Variants in FAM107A observed in about 807,000 individuals in gnomAD.
FAM107A encodes the protein family with sequence similarity 107 member A, also known as actin-associated protein FAM107A.
FAM107A carries 19 observed loss-of-function variants against 13.7 expected under a neutral mutation model. That is an observed-to-expected ratio of 1.38 (90% CI 0.97 to 2.03). The LOEUF is 2.03. Among genes scored for constraint, FAM107A ranks in the 30% most tolerant of loss-of-function variants. The pLI is 0.00. For missense variants in FAM107A, 203 were observed against 184.4 expected (o/e 1.10, Z -0.58); for synonymous variants, 82 against 74.5 (o/e 1.10, Z -0.52).
At chr3:58,587,697 G>A (rs1246263508), upstream of FAM107A, among the ~76,000 whole-genome samples, 2 of 152,122 alleles carry the variant, frequency 1.3e-5, no homozygotes, top group African/African-American at 4.8e-5. Context: ...TTTGTGGAGT[G>A]TCTGTAACAA....
At chr3:58,609,115 G>C (rs949850583) in intron 1 of FAM107A, 1 of 152,182 alleles carries the variant, frequency 6.6e-6, no homozygotes, top group African/African-American at 2.4e-5. Flanking sequence ...TGCAGGAGCT[G>C]GAAATGGCCC....
intron 1 of FAM107A, among the ~76,000 whole-genome samples, chr3:58,622,771 G>T (rs963151824): frequency 2.6e-5 from 4 of 152,098 alleles, no homozygotes; most frequent in Non-Finnish European, 4.4e-5. Context: ...TGGGCAGGAG[G>T]GGGGCTCTGC....
intron 1 of FAM107A, among the ~76,000 whole-genome samples, chr3:58,592,614 A>G (rs2065663045): frequency 6.6e-6 from 1 of 152,072 alleles, no homozygotes; most frequent in Admixed American, 6.5e-5. Context: ...CAAATCACCC[A>G]AGCAGTTTCT....
In FAM107A at chr3:58,566,239, G is replaced by A. The variant is rs1032373858; in HGVS notation, c.*349C>T. On this transcript the variant is annotated 3_prime_UTR_variant, in exon 4 of 4. Transcript: ENST00000360997. ...CCCTGGGGAGCCTCGGAGATTCCTG[G>A]TGGGAAGGCCTGGGCAGAACAGAAG... The A allele has an allele frequency of 1.2e-4, 25 of 205,878 alleles. No homozygotes were observed. Among genetic ancestry groups the A allele is most frequent in the African/African-American group, 5.5e-4 (24 of 43,364 alleles). The allele number at this position is 205,878 out of a possible 1,614,324, so 12.8% of individuals were successfully genotyped here.
chr3:58,566,607 C>A lies in FAM107A; in HGVS notation c.416G>T (p.Ser139Ile), dbSNP rs765455315. 6.2e-6 allele frequency: 10 copies of A among 1,613,680 alleles called. No homozygotes were observed. The highest frequency in any genetic ancestry group is 1.7e-5 in the Admixed American group (1 of 60,014). The change falls in exon 4 of 4, where the codon AGC (serine) becomes ATC (isoleucine). Residue 139 changes from serine (S) to isoleucine (I), a missense_variant. Coordinates refer to ENST00000360997, the MANE Select transcript of FAM107A (RefSeq NM_001076778.3). ...CTGGCCCTACAGCTCTCTCTCTTCG[C>A]TGGTCAGTGTGGCAATTCTCCGCAG... ...ENLRRIATLT[S>I]EEREL
At chr3:58,583,007 C>T (rs528401542) in intron 1 of FAM107A, among the ~76,000 whole-genome samples, 8 of 152,294 alleles carry the variant, frequency 5.3e-5, no homozygotes, top group African/African-American at 1.9e-4. Flanking sequence ...CTATGTTGGC[C>T]AGGCTGGTCT....
intron 1 of FAM107A, among the ~76,000 whole-genome samples, chr3:58,571,931 G>A (rs1174412810): frequency 6.6e-6 from 1 of 152,160 alleles, no homozygotes; most frequent in African/African-American, 2.4e-5. Context: ...CTCACTGTAT[G>A]TTGCCAAAGT....
At chr3:58,568,957 C>G (rs985355414) in intron 2 of FAM107A, among the ~76,000 whole-genome samples, 5 of 152,148 alleles carry the variant, frequency 3.3e-5, no homozygotes, top group African/African-American at 1.2e-4. Context: ...ACGGAAAAGC[C>G]AGCCACCATC....
intron 1 of FAM107A, among the ~76,000 whole-genome samples, chr3:58,602,626 A>G (rs2065762360): frequency 6.6e-6 from 1 of 152,222 alleles, no homozygotes; most frequent in Non-Finnish European, 1.5e-5. Context: ...GCTAAGAAGG[A>G]TGTTGTAGAC....
At chr3:58,594,301 CTCT>C in intron 1 of FAM107A, among the ~76,000 whole-genome samples, 1 of 152,216 alleles carries the variant, frequency 6.6e-6, no homozygotes, top group Non-Finnish European at 1.5e-5. Context: ...CTCCCAGCCC[CTCT>C]TCTTGTTTAC....
intron 2 of FAM107A, among the ~76,000 whole-genome samples, chr3:58,568,403 C>T (rs902229282): frequency 2.0e-5 from 3 of 151,370 alleles, no homozygotes; most frequent in Admixed American, 1.3e-4. Flanking sequence ...CCACTGCACT[C>T]CAGCCTGGGC....
intron 1 of FAM107A, among the ~76,000 whole-genome samples, chr3:58,586,446 A>C (rs2065606407): frequency 6.6e-6 from 1 of 152,186 alleles, no homozygotes; most frequent in African/African-American, 2.4e-5. Context: ...AAAAGTAATT[A>C]AAAAGAATGA....
intron 3 of FAM107A, chr3:58,566,996 C>T: frequency 1.6e-6 from 1 of 629,650 alleles, no homozygotes; most frequent in African/African-American, 1.8e-5. Flanking sequence ...GTACACTGGG[C>T]CAGTGAGGAA....
intron 1 of FAM107A, among the ~76,000 whole-genome samples, chr3:58,609,910 G>T (rs1002517192): frequency 6.6e-6 from 1 of 152,218 alleles, no homozygotes; most frequent in Non-Finnish European, 1.5e-5. Context: ...CTCTTCTGGG[G>T]TTATTTCTTG....
At chr3:58,616,881 C>T (rs959598737) in intron 1 of FAM107A, among the ~76,000 whole-genome samples, 1 of 152,168 alleles carries the variant, frequency 6.6e-6, no homozygotes, top group Non-Finnish European at 1.5e-5. Flanking sequence ...TCAAGTGATT[C>T]TCCTGCCTCA....
upstream of FAM107A, chr3:58,587,179 T>G (rs1236183733): frequency 5.7e-6 from 7 of 1,219,052 alleles, no homozygotes; most frequent in Non-Finnish European, 6.4e-6. Flanking sequence ...GGTGAACGTC[T>G]GCAGTGAGGA....
chr3:58,567,061 G>T, intron 3 of FAM107A, 147 bp downstream of exon 3: 3 of 986,682 alleles, frequency 3.0e-6, no homozygotes, highest in Non-Finnish European at 4.7e-6. Flanking sequence ...GAATGGCAGA[G>T]GGAGGACTCA....
chr3:58,569,617 C>G lies in FAM107A; in HGVS notation c.170+74G>C, dbSNP rs2063660287. The G allele has an allele frequency of 1.5e-6, 2 of 1,322,434 alleles. No individual in the cohort carries two copies. Among genetic ancestry groups the G allele is most frequent in the Non-Finnish European group, 1.0e-6 (1 of 959,922 alleles). The allele number at this position is 1,322,434 out of a possible 1,614,324, so 81.9% of individuals were successfully genotyped here. A position where few individuals can be genotyped will look rare whatever the true frequency, so the allele number is the denominator to read the frequency against. On this transcript the variant is annotated intron_variant, in intron 2 of 3. Coordinates refer to ENST00000360997, the MANE Select transcript of FAM107A (RefSeq NM_001076778.3). The surrounding 1 kb of genome is among the most constrained non-coding windows in gnomAD (Gnocchi z 5.7). ...CAGGATGAAAGCCAGCTCTGCTTTCCTCCAGGGTCACCTTCCCCATCCCCC... is the reference window on the plus strand; with the variant it reads ...CAGGATGAAAGCCAGCTCTGCTTTCGTCCAGGGTCACCTTCCCCATCCCCC...
At chr3:58,607,542 T>A (rs2065806557) in intron 1 of FAM107A, 1 of 152,164 alleles carries the variant, frequency 6.6e-6, no homozygotes, top group Non-Finnish European at 1.5e-5. Context: ...GTCACTCCCA[T>A]GATCATGCTA....
Sources: allele counts gnomAD v4.1 joint callset (sites outside exome capture counted in the v4.1 genomes callset), GRCh38; gene constraint gnomAD v4.1.1; non-coding constraint Gnocchi (gnomAD v3.1); transcripts MANE v1.5; gene names NCBI Gene and HGNC (gene_info 2026-07-23, HGNC 2026-07-21).